OTUD7B: variants seen among roughly 807,000 people sequenced by gnomAD.
The protein encoded by OTUD7B is OTU domain-containing protein 7B.
Under a neutral mutation model 82.2 loss-of-function variants are expected in OTUD7B, and 34 were observed. The observed-to-expected ratio is 0.41, with a 90% CI of 0.31 to 0.55. The LOEUF (loss-of-function observed/expected upper bound fraction) is 0.55, where lower values mean the gene tolerates loss of function less well. OTUD7B is among the 20% of genes least tolerant of loss of function. The pLI is 0.20. For missense variants in OTUD7B, 944 were observed against 1,062.1 expected, an observed-to-expected ratio of 0.89 and a Z score of 1.55; for synonymous variants, 398 against 402.7, an observed-to-expected ratio of 0.99 and a Z score of 0.14.
chr1:149,950,128 C>T lies in OTUD7B; in HGVS notation c.939G>A (p.Val313=), dbSNP rs1553773016. 1.2e-6 allele frequency: 2 copies of T among 1,614,084 alleles called. No homozygotes were observed. Among genetic ancestry groups the T allele is most frequent in the Middle Eastern group, 1.7e-4 (1 of 6,060 alleles). The change falls in exon 8 of 12, where the codon GTG becomes GTA. Residue 313 remains valine (V), a synonymous_variant. Transcript: ENST00000581312. ...AHVLRRPIVV[V]ADTMLRDSGG... ...CGGAGTCCCTCAGCATGGTGTCTGCCACGACGACTATGGGCCTCCTAAGCA... is the reference window on the plus strand; with the variant it reads ...CGGAGTCCCTCAGCATGGTGTCTGCTACGACGACTATGGGCCTCCTAAGCA...
rs782563031 is a variant in OTUD7B, at chr1:149,974,309, T to A, written c.86-3058A>T. Among the ~76,000 whole-genome samples, 140 of 152,256 alleles carry A rather than the reference T, an allele frequency of 9.2e-4. 1 individual carries two copies. The highest frequency in any genetic ancestry group is 1.6e-3 in the Non-Finnish European group (106 of 68,014). On this transcript the variant is annotated intron_variant, in intron 2 of 11. Coordinates refer to ENST00000581312, the MANE Select transcript of OTUD7B (RefSeq NM_020205.4). ...ATTGCTACCACCATAGTCTGCAACA[T>A]CATCATCTGTCACCTGAACTAAGGC...
At chr1:150,030,557 T>A in the OTUD7B span, among the ~76,000 whole-genome samples, 1 of 152,298 alleles carries the variant, frequency 6.6e-6, no homozygotes, top group African/African-American at 2.4e-5. Flanking sequence ...GCACCCTCAT[T>A]TTAAAACAAA....
At chr1:149,960,316 C>T (rs1649048457) in intron 6 of OTUD7B, among the ~76,000 whole-genome samples, 1 of 151,670 alleles carries the variant, frequency 6.6e-6, no homozygotes, top group African/African-American at 2.4e-5. Flanking sequence ...ATCTCATCCA[C>T]TACCATCTGT....
At chr1:150,066,629 G>T in the OTUD7B span, among the ~76,000 whole-genome samples, 1 of 152,120 alleles carries the variant, frequency 6.6e-6, no homozygotes, top group Non-Finnish European at 1.5e-5. This position sits in a 1 kb window ranked among gnomAD's most constrained non-coding sequence, Gnocchi z 4.6. Context: ...TGGTAATCCT[G>T]AATCTATTGA....
At chr1:150,009,864 G>C (rs1652914376) in intron 1 of OTUD7B, among the ~76,000 whole-genome samples, 1 of 151,888 alleles carries the variant, frequency 6.6e-6, no homozygotes, top group South Asian at 2.1e-4. Flanking sequence ...GTTTCCATCG[G>C]CTCATGGCAA....
At chr1:150,061,042 AAAAAC>A in the OTUD7B span, among the ~76,000 whole-genome samples, 9 of 3,594 alleles carry the variant, frequency 2.5e-3, no homozygotes, top group East Asian at 0.014. Context: ...ACAAAAAACA[AAAAAC>A]AAAAAAAATT....
chr1:149,984,959 T>C (rs1651030937), intron 1 of OTUD7B, among the ~76,000 whole-genome samples: 1 of 152,154 alleles, frequency 6.6e-6, no homozygotes, highest in Admixed American at 6.5e-5. Context: ...CCCCAGGAAA[T>C]AGCTCCCTAA....
chr1:149,943,845 T>C lies in OTUD7B; in HGVS notation c.*12A>G. The C allele has an allele frequency of 6.2e-7, 1 of 1,612,916 alleles. No homozygotes were observed. The highest frequency in any genetic ancestry group is 8.5e-7 in the Non-Finnish European group (1 of 1,179,256). On this transcript the variant is annotated 3_prime_UTR_variant, in exon 12 of 12. Transcript: ENST00000581312. ...TTTGTTTAGCCTCCTTGCCCTTCAG[T>C]GTTCCACCCGTTCAGAACCTGTGCA...
chr1:149,977,383 C>T (rs1650394623), intron 2 of OTUD7B, 43 bp downstream of exon 2: 2 of 1,362,824 alleles, frequency 1.5e-6, no homozygotes, highest in Admixed American at 1.7e-5. Context: ...ATAAATACCA[C>T]ATTTTACTTT....
chr1:149,947,704 T>A lies in OTUD7B; in HGVS notation c.1239-369A>T, dbSNP rs587631702. Among the ~76,000 whole-genome samples the A allele has an allele frequency of 1.2e-4, 19 of 152,106 alleles. No homozygotes were observed. The East Asian group carries it at 3.7e-3, about 29-fold the overall frequency. ...GAGCTTTTGATAAATAGGTGAGAGG[T>A]TATTTTTAAAAAGCCATAAACTCTG... On this transcript the variant is annotated intron_variant, in intron 10 of 11. Coordinates refer to ENST00000581312, the MANE Select transcript of OTUD7B (RefSeq NM_020205.4).
chr1:150,054,599 G>T, the OTUD7B span: 1 of 390,074 alleles, frequency 2.6e-6, no homozygotes, highest in Non-Finnish European at 5.0e-6. Context: ...CTTGAGGTCA[G>T]GAGTTCAAGA....
chr1:149,968,772 G>A (rs183297420), intron 3 of OTUD7B, among the ~76,000 whole-genome samples: 77 of 152,262 alleles, frequency 5.1e-4, no homozygotes, highest in African/African-American at 1.8e-3. Context: ...GTGCAGTGCT[G>A]CAGTCTCGGC....
intron 7 of OTUD7B, among the ~76,000 whole-genome samples, chr1:149,952,741 T>C (rs1553773777): frequency 1.3e-5 from 2 of 152,210 alleles, no homozygotes; most frequent in Non-Finnish European, 2.9e-5. Context: ...ATGATCACCA[T>C]TCTAACTGGT....
intron 1 of OTUD7B, among the ~76,000 whole-genome samples, chr1:149,980,679 T>G (rs1553779473): frequency 6.6e-6 from 1 of 150,956 alleles, no homozygotes; most frequent in Admixed American, 6.6e-5. Context: ...ACCACTGCAC[T>G]CCAGCCTGGG....
At chr1:150,050,827 A>G in the OTUD7B span, among the ~76,000 whole-genome samples, 1 of 152,032 alleles carries the variant, frequency 6.6e-6, no homozygotes, top group African/African-American at 2.4e-5. Flanking sequence ...CAAATTTAAA[A>G]CTATGTAAAA....
chr1:149,957,117 T>G (rs1347074658), intron 7 of OTUD7B, among the ~76,000 whole-genome samples: 1 of 152,170 alleles, frequency 6.6e-6, no homozygotes, highest in African/African-American at 2.4e-5. Flanking sequence ...AGAGGCACTC[T>G]GATTTTTAGA....
the OTUD7B span, among the ~76,000 whole-genome samples, chr1:150,059,308 C>CTT: frequency 3.9e-5 from 2 of 51,686 alleles, 1 homozygote; most frequent in Admixed American, 2.9e-4. Context: ...CCCCCCCCCC[C>CTT]CCGCCTCCCA....
intron 1 of OTUD7B, among the ~76,000 whole-genome samples, chr1:149,992,811 G>C (rs1030909272): frequency 2.0e-5 from 3 of 152,120 alleles, no homozygotes; most frequent in South Asian, 2.1e-4. Context: ...AAAACCAAGA[G>C]AGAAATAAAC....
intron 11 of OTUD7B, among the ~76,000 whole-genome samples, chr1:149,945,848 G>T (rs1553771948): frequency 6.7e-6 from 1 of 149,876 alleles, no homozygotes; most frequent in African/African-American, 2.5e-5. Context: ...ATCACCTGAG[G>T]TCGGGAGTTC....
Sources: allele counts gnomAD v4.1 joint callset (sites outside exome capture counted in the v4.1 genomes callset), GRCh38; gene constraint gnomAD v4.1.1; non-coding constraint Gnocchi (gnomAD v3.1); transcripts MANE v1.5; gene names NCBI Gene and HGNC (gene_info 2026-07-23, HGNC 2026-07-21).